Variants in NELL1 observed in about 807,000 individuals in gnomAD.
NELL1 encodes the protein protein kinase C-binding protein NELL1.
Under a neutral mutation model 107.4 loss-of-function variants are expected in NELL1, and 76 were observed. That is an observed-to-expected ratio of 0.71 (90% CI 0.59 to 0.86). NELL1 has a LOEUF of 0.86. Among genes scored for constraint, NELL1 ranks in the 40% least tolerant of loss-of-function variants. The pLI, the probability that NELL1 is intolerant of heterozygous loss-of-function variation, is 0.00. For missense variants in NELL1, 1,024 were observed against 1,005.5 expected, an observed-to-expected ratio of 1.02 and a Z score of -0.25; for synonymous variants, 353 against 341.2, an observed-to-expected ratio of 1.03 and a Z score of -0.38.
chr11:21,271,157 T>C (rs1191102221), intron 14 of NELL1, among the ~76,000 whole-genome samples: 1 of 151,616 alleles, frequency 6.6e-6, no homozygotes, highest in Non-Finnish European at 1.5e-5. Context: ...CCAAAATCAA[T>C]GAAATTGAAA....
At chr11:20,769,825 A>G (rs1407458053) in intron 2 of NELL1, among the ~76,000 whole-genome samples, 1 of 152,084 alleles carries the variant, frequency 6.6e-6, no homozygotes, top group East Asian at 1.9e-4. Context: ...CTGAGATCTG[A>G]CAAGTACTCT....
At chr11:21,347,351 C>T (rs1850706290) in intron 14 of NELL1, among the ~76,000 whole-genome samples, 1 of 152,046 alleles carries the variant, frequency 6.6e-6, no homozygotes, top group Admixed American at 6.6e-5. Context: ...GCCTGTCATC[C>T]CAGCACTTCG....
intron 13 of NELL1, among the ~76,000 whole-genome samples, chr11:21,209,302 CTA>C (rs1296162000): frequency 2.1e-5 from 3 of 140,184 alleles, no homozygotes; most frequent in African/African-American, 7.7e-5. Flanking sequence ...CCCACATTAA[CTA>C]TAAAATAAAT....
chr11:21,325,318 T>C (rs1850106134), intron 14 of NELL1, among the ~76,000 whole-genome samples: 1 of 152,086 alleles, frequency 6.6e-6, no homozygotes, highest in African/African-American at 2.4e-5. Flanking sequence ...AAATAATGCT[T>C]CAGAGGATTT....
chr11:20,920,083 GC>G (rs1850344903), intron 7 of NELL1, among the ~76,000 whole-genome samples: 1 of 152,064 alleles, frequency 6.6e-6, no homozygotes, highest in Admixed American at 6.6e-5. Context: ...ATAATGAAAA[GC>G]CCTGAGCCTT....
chr11:21,065,412 G>C (rs950294423), intron 12 of NELL1, among the ~76,000 whole-genome samples: 6 of 151,978 alleles, frequency 3.9e-5, no homozygotes, highest in African/African-American at 1.2e-4. Flanking sequence ...TCCTTGACTC[G>C]ATTTGCTATA....
intron 18 of NELL1, among the ~76,000 whole-genome samples, chr11:21,571,745 A>G (rs1857105579): frequency 6.6e-6 from 1 of 151,894 alleles, no homozygotes; most frequent in Non-Finnish European, 1.5e-5. Flanking sequence ...GTTTCAAATT[A>G]TATCACAAAG....
intron 15 of NELL1, among the ~76,000 whole-genome samples, chr11:21,522,834 C>CTTTTTTTTTTTTTTTTTTTTTTTTTTTT (rs66707466): frequency 1.5e-5 from 1 of 68,432 alleles, no homozygotes; most frequent in Non-Finnish European, 2.5e-5. Context: ...TTTTTCTTTT[C>CTTTTTTTTTTTTTTTTTTTTTTTTTTTT]TTTTTTTTTT....
intron 3 of NELL1, among the ~76,000 whole-genome samples, chr11:20,824,636 CAG>C (rs1172665254): frequency 6.6e-6 from 1 of 151,256 alleles, no homozygotes; most frequent in Non-Finnish European, 1.5e-5. Flanking sequence ...TGGTCTCAAA[CAG>C]AGATGAGGAA....
chr11:21,247,859 T>C (rs746713636), intron 14 of NELL1, among the ~76,000 whole-genome samples: 24 of 152,320 alleles, frequency 1.6e-4, no homozygotes, highest in Admixed American at 1.2e-3. Context: ...GGCTACGACA[T>C]TATGACCAAT....
chr11:21,124,135 A>G (rs1855434362), intron 13 of NELL1, among the ~76,000 whole-genome samples: 1 of 152,158 alleles, frequency 6.6e-6, no homozygotes, highest in South Asian at 2.1e-4. Flanking sequence ...TATTTTCTAA[A>G]TTTTCTGTAG....
At chr11:21,331,824 G>T (rs776653258) in intron 14 of NELL1, among the ~76,000 whole-genome samples, 1 of 151,980 alleles carries the variant, frequency 6.6e-6, no homozygotes, top group Non-Finnish European at 1.5e-5. Context: ...TCTTATGGAG[G>T]TATCAGCCTT....
chr11:20,757,866 A>G (rs1396250966), intron 2 of NELL1, among the ~76,000 whole-genome samples: 1 of 152,236 alleles, frequency 6.6e-6, no homozygotes, highest in African/African-American at 2.4e-5. Context: ...TTAGGCTGCC[A>G]TAACAAATCA....
chr11:21,254,562 C>T (rs1858722588), intron 14 of NELL1, among the ~76,000 whole-genome samples: 1 of 152,064 alleles, frequency 6.6e-6, no homozygotes, highest in African/African-American at 2.4e-5. Flanking sequence ...TTAACATACA[C>T]ATGCCCGAGG....
At chr11:21,417,006 T>A (rs1295672783) in intron 15 of NELL1, among the ~76,000 whole-genome samples, 1 of 152,084 alleles carries the variant, frequency 6.6e-6, no homozygotes, top group Non-Finnish European at 1.5e-5. Context: ...TTAAATAATT[T>A]GCCCGAAGTC....
At chr11:21,431,247 C>T (rs1461911592) in intron 15 of NELL1, among the ~76,000 whole-genome samples, 1 of 152,068 alleles carries the variant, frequency 6.6e-6, no homozygotes, top group East Asian at 1.9e-4. Flanking sequence ...ATAACTGTCC[C>T]TCTACCTCAT....
At chr11:20,743,735 T>TG (rs1855943280) in intron 2 of NELL1, among the ~76,000 whole-genome samples, 1 of 152,196 alleles carries the variant, frequency 6.6e-6, no homozygotes, top group African/African-American at 2.4e-5. Flanking sequence ...CCTCTTCAGG[T>TG]GCTCTCTGGT....
At chr11:20,865,491 T>C (rs865789410) in intron 4 of NELL1, among the ~76,000 whole-genome samples, 7 of 152,278 alleles carry the variant, frequency 4.6e-5, no homozygotes, top group Non-Finnish European at 7.4e-5. Flanking sequence ...TCCCCTCCCT[T>C]CACTCTACTG....
intron 13 of NELL1, among the ~76,000 whole-genome samples, chr11:21,135,329 C>T (rs546318320): frequency 3.3e-5 from 5 of 152,134 alleles, no homozygotes; most frequent in Non-Finnish European, 5.9e-5. Context: ...TAGACATGTC[C>T]TATGGATGTT....
Sources: allele counts gnomAD v4.1 joint callset (sites outside exome capture counted in the v4.1 genomes callset), GRCh38; gene constraint gnomAD v4.1.1; transcripts MANE v1.5; gene names NCBI Gene and HGNC (gene_info 2026-07-23, HGNC 2026-07-21).